The following SNED1 variants were observed in gnomAD, a reference collection of about 807,000 sequenced individuals.
SNED1 encodes sushi, nidogen and EGF-like domain-containing protein 1.
Under a neutral mutation model 166.7 loss-of-function variants are expected in SNED1, and 81 were observed. The observed-to-expected ratio is 0.49, with a 90% CI of 0.41 to 0.58. The LOEUF is 0.58. Ranked by LOEUF, SNED1 falls within the 20% of genes least tolerant of loss-of-function variation. SNED1 has a pLI of 0.00. For missense variants in SNED1, 1,604 were observed against 2,000.2 expected (o/e 0.80, Z 3.78); for synonymous variants, 762 against 822.0 (o/e 0.93, Z 1.25).
chr2:241,057,929 A>C (rs2062111101), intron 16 of SNED1, among the ~76,000 whole-genome samples: 4 of 152,228 alleles, frequency 2.6e-5, no homozygotes, highest in Admixed American at 2.0e-4. Flanking sequence ...AGGAGAAAAA[A>C]GTAATCAGAA....
intron 16 of SNED1, among the ~76,000 whole-genome samples, chr2:241,055,273 G>C (rs1049508963): frequency 2.0e-5 from 3 of 152,104 alleles, no homozygotes; most frequent in African/African-American, 7.2e-5. Flanking sequence ...AGATTAAAAG[G>C]GCCCACAGAA....
intron 31 of SNED1, chr2:241,090,050 A>G (rs1043203191): frequency 3.9e-6 from 6 of 1,539,500 alleles, no homozygotes; most frequent in Admixed American, 4.0e-5. Flanking sequence ...TAGTCCTGCA[A>G]TAAGAAATTA....
upstream of SNED1, among the ~76,000 whole-genome samples, chr2:240,998,238 G>A (rs2059971042): frequency 1.3e-5 from 2 of 152,264 alleles, no homozygotes; most frequent in Non-Finnish European, 2.9e-5. Context: ...CCATGCTCAG[G>A]GCTGGGAAGG....
intron 8 of SNED1, among the ~76,000 whole-genome samples, chr2:241,042,449 G>A (rs1197392762): frequency 1.3e-5 from 2 of 152,098 alleles, no homozygotes; most frequent in Non-Finnish European, 2.9e-5. Context: ...TCCTCAACAG[G>A]AGTATATCAA....
intron 16 of SNED1, among the ~76,000 whole-genome samples, chr2:241,056,186 ATGAT>A (rs1399373279): frequency 6.6e-6 from 1 of 152,246 alleles, no homozygotes; most frequent in Non-Finnish European, 1.5e-5. Flanking sequence ...GAGAGGCAGA[ATGAT>A]TGAGAGAATA....
intron 29 of SNED1, among the ~76,000 whole-genome samples, chr2:241,083,690 A>G (rs1300940976): frequency 6.6e-6 from 1 of 152,204 alleles, no homozygotes; most frequent in African/African-American, 2.4e-5. Flanking sequence ...GGTGACCACC[A>G]AGTATCCAAC....
chr2:241,085,342 T>C (rs1024653378), intron 29 of SNED1, among the ~76,000 whole-genome samples: 2 of 152,206 alleles, frequency 1.3e-5, no homozygotes, highest in Non-Finnish European at 2.9e-5. Context: ...CTCAAGGTCA[T>C]TGATCTTTTC....
At position 241,070,375 on chromosome 2, in the gene SNED1, A is replaced by G. The variant is rs139742354; in HGVS notation, c.3589+174A>G. On this transcript the variant is annotated intron_variant, in intron 24 of 31. Coordinates refer to ENST00000310397, the MANE Select transcript of SNED1 (RefSeq NM_001080437.3). ...GAAAGTGGAGGCTTTTCAAACCCAC[A>G]AGGAAAGGAAGGACTCATGGGCAGG... Among the ~76,000 whole-genome samples, 759 of 152,350 alleles carry G rather than the reference A, an allele frequency of 5.0e-3. 3 individuals are homozygous for G. The highest frequency in any genetic ancestry group is 0.017 in the African/African-American group (709 of 41,582).
intron 2 of SNED1, 80 bp from the exon 3 acceptor site, chr2:241,033,655 G>A (rs2061254641): frequency 6.9e-7 from 1 of 1,454,182 alleles, no homozygotes; most frequent in Non-Finnish European, 9.2e-7. Context: ...CAATGACAGT[G>A]CACCAGGATG....
At chr2:241,023,045 A>G (rs551280385) in intron 1 of SNED1, among the ~76,000 whole-genome samples, 29 of 152,090 alleles carry the variant, frequency 1.9e-4, no homozygotes, top group African/African-American at 6.3e-4. Flanking sequence ...GTATTTTTCT[A>G]TTTTATTAAC....
rs775644770 is a variant in SNED1, at chr2:241,071,928, A to G, written c.3817+50A>G. On this transcript the variant is annotated intron_variant, in intron 26 of 31. Transcript: ENST00000310397. ...ACCTTGGTGGCCCACCCTCGTCCTC[A>G]CTGCCACTCTCACCAGGTCCTGTCC... 47 of 1,411,552 alleles carry G rather than the reference A, an allele frequency of 3.3e-5. No individual in the cohort carries two copies. In the South Asian group the frequency reaches 5.6e-4, roughly 17 times the overall value. 87.4% of individuals were successfully genotyped at this position (1,411,552 alleles called of 1,614,324 possible).
At chr2:241,056,204 A>G (rs2125133990) in intron 16 of SNED1, among the ~76,000 whole-genome samples, 1 of 152,344 alleles carries the variant, frequency 6.6e-6, no homozygotes, top group Admixed American at 6.5e-5. Flanking sequence ...GAGAATAGAA[A>G]ATTTGAGCAG....
At position 241,052,125 on chromosome 2, in the gene SNED1, C is replaced by T; in HGVS notation, c.1937C>T (p.Pro646Leu). 4 of 1,613,826 alleles carry T rather than the reference C, an allele frequency of 2.5e-6. No individual in the cohort carries two copies. Among genetic ancestry groups the T allele is most frequent in the Non-Finnish European group, 3.4e-6 (4 of 1,179,834 alleles). The change falls in exon 14 of 32, where the codon CCC becomes CTC. Residue 646 changes from proline to leucine, a missense_variant. Transcript: ENST00000310397. ...HYIGKYKCDCPPGFSGRHCEI... is the reference protein window; with the variant it reads ...HYIGKYKCDCLPGFSGRHCEI... ...ATTGGCAAATACAAGTGTGACTGTC[C>T]CCCAGGCTTCTCCGGGCGGCACTGC...
At chr2:241,045,553 A>G (rs1017296955) in intron 8 of SNED1, among the ~76,000 whole-genome samples, 5 of 151,958 alleles carry the variant, frequency 3.3e-5, no homozygotes, top group African/African-American at 1.2e-4. Context: ...AGAAATGATA[A>G]TCTTTTCAAC....
rs753791320 is a variant in SNED1 at position 241,067,886 on chromosome 2, C to T, written c.3133C>T (p.Pro1045Ser). The change falls in exon 22 of 32, where the codon CCT becomes TCT. Residue 1045 changes from proline to serine, a missense_variant. By Grantham distance (74) the Pro-to-Ser change is moderately conservative. Transcript: ENST00000310397. ...TGGGGTCCGTGTGTCCATCCGCCAC[C>T]CTGAGGCCCTCAGGGACCAGGCCAC... The part of the protein sequence containing the change: ...VSGVRVSIRH[P>S]EALRDQATDV... 9.3e-6 allele frequency: 15 copies of T among 1,613,410 alleles called. No individual in the cohort carries two copies. Among genetic ancestry groups the T allele is most frequent in the Non-Finnish European group, 5.1e-6 (6 of 1,179,858 alleles).
Position 241,036,776 on chromosome 2 carries a change from C to T in SNED1, c.806-14C>T. On this transcript the variant is annotated splice_polypyrimidine_tract_variant and intron_variant, in intron 4 of 31. Coordinates refer to ENST00000310397, the MANE Select transcript of SNED1 (RefSeq NM_001080437.3). ...GGCAGCGGCTGAGGCTCCAGCCCCT[C>T]CCTATGTCTGCAGCGTCCGTGTGCC... 1 of 1,606,136 alleles carries T rather than the reference C, an allele frequency of 6.2e-7. No homozygotes were observed. The highest frequency in any genetic ancestry group is 8.5e-7 in the Non-Finnish European group (1 of 1,179,494).
In SNED1 at chr2:241,062,989, CTG is replaced by C. The variant is rs2062291355; in HGVS notation, c.2371+87_2371+88del. On this transcript the variant is annotated intron_variant, in intron 17 of 31. Coordinates refer to ENST00000310397, the MANE Select transcript of SNED1 (RefSeq NM_001080437.3). ...GGCACTGGGTCCCCCGGACAGGTCT[CTG>C]TCTGGATGGCCAGGGTGGCCACTGC... 3.5e-6 allele frequency: 3 copies of C among 857,874 alleles called. No individual in the cohort carries two copies. In the African/African-American group the frequency reaches 5.1e-5, roughly 15 times the overall value. 53.1% of individuals were successfully genotyped at this position (857,874 alleles called of 1,614,324 possible). A position where few individuals can be genotyped will look rare whatever the true frequency, so the allele number is the denominator to read the frequency against.
At position 241,064,581 on chromosome 2, in the gene SNED1, G is replaced by A. The variant is rs543532190; in HGVS notation, c.2600-263G>A. On this transcript the variant is annotated intron_variant, in intron 19 of 31. Coordinates refer to ENST00000310397, the MANE Select transcript of SNED1 (RefSeq NM_001080437.3). This position sits in a 1 kb window ranked among gnomAD's most constrained non-coding sequence, Gnocchi z 7.0. ...CAAGCAGGACTGTCACTGGGGTGGT[G>A]GCCTGTCCTGTCCTGATCCAGTGTC... Among the ~76,000 whole-genome samples, 5 of 152,294 alleles carry A rather than the reference G, an allele frequency of 3.3e-5. No homozygotes were observed. The South Asian group carries it at 1.0e-3, about 32-fold the overall frequency.
intron 21 of SNED1, 107 bp from the exon 22 acceptor site, chr2:241,067,655 CCT>C: frequency 1.2e-6 from 1 of 841,614 alleles, no homozygotes; most frequent in South Asian, 1.9e-5. Flanking sequence ...CTCTCCAGTG[CCT>C]CTCTGTGGCC....
Sources: gnomAD v4.1 joint callset for allele counts (sites outside exome capture counted in the v4.1 genomes callset) on GRCh38, gnomAD v4.1.1 for gene constraint, Gnocchi (gnomAD v3.1) non-coding constraint, MANE v1.5 for transcripts, NCBI Gene and HGNC (gene_info 2026-07-23, HGNC 2026-07-21) for gene names.